Variants in SEPTIN9 observed in about 807,000 individuals in gnomAD.
The protein encoded by SEPTIN9 is septin-9.
A neutral mutation model predicts 56.6 loss-of-function variants in SEPTIN9; 13 were observed. That is an observed-to-expected ratio of 0.23 (90% confidence interval 0.15 to 0.37). The LOEUF (loss-of-function observed/expected upper bound fraction) is 0.37, where lower values mean the gene tolerates loss of function less well. Among genes scored for constraint, SEPTIN9 ranks in the 10% least tolerant of loss-of-function variants. SEPTIN9 has a pLI of 1.00. For synonymous variants in SEPTIN9, 332 were observed against 334.1 expected (o/e 0.99, Z 0.07); for missense variants, 650 against 823.1 (o/e 0.79, Z 2.57).
At chr17:77,294,421 AAAAT>A (rs1020720958) in intron 1 of SEPTIN9, 21 of 154,338 alleles carry the variant, frequency 1.4e-4, no homozygotes, top group Admixed American at 3.3e-4. Context: ...CTCCATCTCA[AAAAT>A]AAATAAATAA....
chr17:77,290,074 A>T (rs1456953590), intron 1 of SEPTIN9, among the ~76,000 whole-genome samples: 2 of 152,100 alleles, frequency 1.3e-5, no homozygotes, highest in Admixed American at 1.3e-4. Flanking sequence ...TGGACATTGC[A>T]TCTTGTAGGG....
chr17:77,365,459 C>T (rs1213411100), intron 2 of SEPTIN9, among the ~76,000 whole-genome samples: 1 of 151,752 alleles, frequency 6.6e-6, no homozygotes, highest in African/African-American at 2.4e-5. Context: ...TTCTTTCTCT[C>T]TCTTTCCTCT....
chr17:77,405,005 A>G lies in SEPTIN9; in HGVS notation c.721+2302A>G, dbSNP rs949467976. 18 of 1,384,002 alleles carry G rather than the reference A, an allele frequency of 1.3e-5. No individual in the cohort carries two copies. In the African/African-American group the frequency reaches 2.4e-4, roughly 19 times the overall value. 85.7% of individuals were successfully genotyped at this position (1,384,002 alleles called of 1,614,324 possible). Reference sequence around the variant, plus strand: ...TGTTTGACGTGCCGGATACACCCCCATCCTGGGTTGATGTGTTCACACTCA... The same window carrying G: ...TGTTTGACGTGCCGGATACACCCCCGTCCTGGGTTGATGTGTTCACACTCA... On this transcript the variant is annotated intron_variant, in intron 3 of 11. Coordinates refer to ENST00000427177, the MANE Select transcript of SEPTIN9 (RefSeq NM_001113491.2). This position sits in a 1 kb window ranked among gnomAD's most constrained non-coding sequence, Gnocchi z 5.8.
In SEPTIN9 at chr17:77,417,735, C is replaced by T. The variant is rs368787627; in HGVS notation, c.721+15032C>T. Among the ~76,000 whole-genome samples, 4 of 152,190 alleles carry T rather than the reference C, an allele frequency of 2.6e-5. 1 individual carries two copies. Among genetic ancestry groups the T allele is most frequent in the African/African-American group, 4.8e-5 (2 of 41,452 alleles). ...GTTTGCCGTCTTTTCTGTCTATATC[C>T]GCATTCATGTGAGGGCACTCATAGG... On this transcript the variant is annotated intron_variant, in intron 3 of 11. Transcript: ENST00000427177.
intron 2 of SEPTIN9, among the ~76,000 whole-genome samples, chr17:77,388,497 G>A (rs986270762): frequency 1.3e-5 from 2 of 152,304 alleles, no homozygotes; most frequent in Non-Finnish European, 2.9e-5. Context: ...GTAGGTTCAC[G>A]TGGGGGCTCT....
At position 77,451,006 on chromosome 17, in the gene SEPTIN9, G is replaced by C. The variant is rs2037943623; in HGVS notation, c.722-31138G>C. The stretch of plus-strand genomic sequence containing the variant: ...AGGTGGGGGAGCACCTAGGAAGCAG[G>C]GGTGTCAGGCAGAGCACAAGGAGAG... On this transcript the variant is annotated intron_variant, in intron 3 of 11. Transcript: ENST00000427177. The surrounding 1 kb of genome is among the most constrained non-coding windows in gnomAD (Gnocchi z 4.2). 1 of 166,510 alleles carries C rather than the reference G, an allele frequency of 6.0e-6. No individual in the cohort carries two copies. Among genetic ancestry groups the C allele is most frequent in the Non-Finnish European group, 1.2e-5 (1 of 81,148 alleles). 10.3% of individuals were successfully genotyped at this position (166,510 alleles called of 1,614,324 possible).
At position 77,456,598 on chromosome 17, in the gene SEPTIN9, C is replaced by T. The variant is rs143655509; in HGVS notation, c.722-25546C>T. 5,537 of 152,012 alleles carry T rather than the reference C, an allele frequency of 0.036. 309 individuals carry two copies. Among genetic ancestry groups the T allele is most frequent in the African/African-American group, 0.12 (5,049 of 41,292 alleles). The allele number at this position is 152,012 out of a possible 1,614,324, so 9.4% of individuals were successfully genotyped here. Reference sequence around the variant, plus strand: ...CCCTGCAGCCAGGGATGGGCCCCCACGGCCAGTACCAGATCTCAGGGACCA... The same window carrying T: ...CCCTGCAGCCAGGGATGGGCCCCCATGGCCAGTACCAGATCTCAGGGACCA... On this transcript the variant is annotated intron_variant, in intron 3 of 11. Transcript: ENST00000427177. The surrounding 1 kb of genome is among the most constrained non-coding windows in gnomAD (Gnocchi z 6.0).
chr17:77,491,552 C>T (rs2040027979), intron 8 of SEPTIN9, among the ~76,000 whole-genome samples: 1 of 151,422 alleles, frequency 6.6e-6, no homozygotes, highest in African/African-American at 2.4e-5. Flanking sequence ...GTGGCTCACG[C>T]CTGTAATCCC....
chr17:77,487,371 C>T lies in SEPTIN9; in HGVS notation c.914-53C>T. The T allele has an allele frequency of 6.4e-7, 1 of 1,557,856 alleles. No homozygotes were observed. Among genetic ancestry groups the T allele is most frequent in the African/African-American group, 1.4e-5 (1 of 73,424 alleles). ...GGGTGGGAGGGGCCCCATGTGCAGA[C>T]CCTGCTGGTCTCTCCGGAGAGACCC... On this transcript the variant is annotated intron_variant, in intron 4 of 11. Transcript: ENST00000427177. This position sits in a 1 kb window ranked among gnomAD's most constrained non-coding sequence, Gnocchi z 4.3.
intron 3 of SEPTIN9, among the ~76,000 whole-genome samples, chr17:77,409,300 G>T (rs2036204140): frequency 6.6e-6 from 1 of 152,050 alleles, no homozygotes; most frequent in South Asian, 2.1e-4. Context: ...AATCAATGCG[G>T]GAGGATTGGC....
At chr17:77,468,435 G>A (rs1238624222) in intron 3 of SEPTIN9, among the ~76,000 whole-genome samples, 1 of 152,214 alleles carries the variant, frequency 6.6e-6, no homozygotes, top group East Asian at 1.9e-4. Flanking sequence ...AGCCAGAGAG[G>A]CTGTGCGTGG....
chr17:77,296,711 G>A (rs2031829587), intron 1 of SEPTIN9, among the ~76,000 whole-genome samples: 1 of 152,132 alleles, frequency 6.6e-6, no homozygotes, highest in South Asian at 2.1e-4. Context: ...AAATTAGCTG[G>A]GCGTGGTGGT....
In SEPTIN9 at chr17:77,487,651, G is replaced by C; in HGVS notation, c.1042+99G>C. On this transcript the variant is annotated intron_variant, in intron 5 of 11. Transcript: ENST00000427177. This position sits in a 1 kb window ranked among gnomAD's most constrained non-coding sequence, Gnocchi z 4.3. ...CCATCACACACAGTCAGTGGCCAGG[G>C]GCGGGCTGGGGGTGCAGGACTCCTC... 1 of 894,466 alleles carries C rather than the reference G, an allele frequency of 1.1e-6. No individual in the cohort carries two copies. 55.4% of individuals were successfully genotyped at this position (894,466 alleles called of 1,614,324 possible).
intron 2 of SEPTIN9, among the ~76,000 whole-genome samples, chr17:77,368,239 G>A (rs1385429835): frequency 3.3e-5 from 5 of 152,182 alleles, no homozygotes; most frequent in Admixed American, 3.3e-4. Context: ...GTGTTGATGG[G>A]TGTACAATGT....
Position 77,433,555 on chromosome 17 carries a change from G to A in SEPTIN9, c.721+30852G>A, listed in dbSNP as rs906305855. Among the ~76,000 whole-genome samples, 4 of 151,880 alleles carry A rather than the reference G, an allele frequency of 2.6e-5. No individual in the cohort carries two copies. The highest frequency in any genetic ancestry group is 9.6e-5 in the African/African-American group (4 of 41,504). The stretch of plus-strand genomic sequence containing the variant: ...TCCCACCCACCCCGAGGCCCAGCAT[G>A]GCCATGCCGGAAATAGCAGCATCGT... On this transcript the variant is annotated intron_variant, in intron 3 of 11. Coordinates refer to ENST00000427177, the MANE Select transcript of SEPTIN9 (RefSeq NM_001113491.2). The surrounding 1 kb of genome is among the most constrained non-coding windows in gnomAD (Gnocchi z 6.4).
chr17:77,320,253 C>G (rs998796385), intron 2 of SEPTIN9: 2 of 1,611,046 alleles, frequency 1.2e-6, no homozygotes, highest in East Asian at 2.2e-5. Flanking sequence ...GGGAGGGCGA[C>G]GGGGGTGAGA....
At position 77,434,951 on chromosome 17, in the gene SEPTIN9, C is replaced by T. The variant is rs557058862; in HGVS notation, c.721+32248C>T. Among the ~76,000 whole-genome samples the T allele has an allele frequency of 1.3e-3, 193 of 152,294 alleles. No individual in the cohort carries two copies. Among genetic ancestry groups the T allele is most frequent in the Non-Finnish European group, 1.9e-3 (132 of 68,010 alleles). ...TCACCCTTCCTCTGCCGACATCAGGCTGCCGGTGCTGGACGGGGCCCTGGC... is the reference window on the plus strand; with the variant it reads ...TCACCCTTCCTCTGCCGACATCAGGTTGCCGGTGCTGGACGGGGCCCTGGC... On this transcript the variant is annotated intron_variant, in intron 3 of 11. Transcript: ENST00000427177. The surrounding 1 kb of genome is among the most constrained non-coding windows in gnomAD (Gnocchi z 5.0).
At chr17:77,408,100 G>A (rs994797042) in intron 3 of SEPTIN9, among the ~76,000 whole-genome samples, 2 of 152,276 alleles carry the variant, frequency 1.3e-5, no homozygotes, top group African/African-American at 4.8e-5. Context: ...GATGCTCACT[G>A]GGGGCAAGAG....
intron 3 of SEPTIN9, among the ~76,000 whole-genome samples, chr17:77,464,119 G>A (rs1175694522): frequency 6.6e-6 from 1 of 152,046 alleles, no homozygotes; most frequent in Non-Finnish European, 1.5e-5. Context: ...TGTTGCCCAG[G>A]CTGGAGTGCA....
Sources: gnomAD v4.1 joint callset for allele counts (sites outside exome capture counted in the v4.1 genomes callset) on GRCh38, gnomAD v4.1.1 for gene constraint, Gnocchi (gnomAD v3.1) non-coding constraint, MANE v1.5 for transcripts, NCBI Gene and HGNC (gene_info 2026-07-23, HGNC 2026-07-21) for gene names.